The following HDGFL3 variants were observed in gnomAD, a reference collection of about 807,000 sequenced individuals.
The protein encoded by HDGFL3 is HDGF like 3, also known as hepatoma-derived growth factor-related protein 3.
HDGFL3 carries 6 observed loss-of-function variants against 27.6 expected under a neutral mutation model. The observed-to-expected ratio is 0.22, with a 90% CI of 0.12 to 0.43. HDGFL3 has a LOEUF of 0.43. Ranked by LOEUF, HDGFL3 falls within the 20% of genes least tolerant of loss-of-function variation. The probability of loss-of-function intolerance (pLI) is 1.00; values close to 1 mark genes in which losing one functional copy is unlikely to be tolerated. For missense variants in HDGFL3, 207 were observed against 250.1 expected (o/e 0.83, Z 1.16); for synonymous variants, 88 against 88.9 (o/e 0.99, Z 0.05).
chr15:83,126,656 A>T, downstream of HDGFL3: 2 of 937,684 alleles, frequency 2.1e-6, no homozygotes, highest in Non-Finnish European at 3.3e-6. Flanking sequence ...GTTAAACAGC[A>T]AAGCAGCTTG....
At chr15:83,116,698 G>A (rs2151346959) in intron 3 of HDGFL3, among the ~76,000 whole-genome samples, 1 of 152,308 alleles carries the variant, frequency 6.6e-6, no homozygotes, top group East Asian at 1.9e-4. Context: ...GGCTTCCTCG[G>A]GACCAGCAGG....
chr15:83,147,540 C>T (rs2036913428), intron 5 of HDGFL3, among the ~76,000 whole-genome samples: 1 of 152,120 alleles, frequency 6.6e-6, no homozygotes, highest in Non-Finnish European at 1.5e-5. Flanking sequence ...AAAACTAAAA[C>T]TATTCAATTA....
intron 1 of HDGFL3, among the ~76,000 whole-genome samples, chr15:83,200,249 G>A (rs1337387051): frequency 6.6e-6 from 1 of 151,266 alleles, no homozygotes; most frequent in Non-Finnish European, 1.5e-5. Flanking sequence ...GGGAGGCTGA[G>A]GCAGGAACCC....
At chr15:83,205,299 T>C (rs2037703384) in intron 1 of HDGFL3, among the ~76,000 whole-genome samples, 1 of 152,244 alleles carries the variant, frequency 6.6e-6, no homozygotes, top group Non-Finnish European at 1.5e-5. Flanking sequence ...AATTGCAGCA[T>C]GCCACTAACG....
intron 1 of HDGFL3, among the ~76,000 whole-genome samples, chr15:83,199,470 C>T (rs369144912): frequency 1.3e-5 from 2 of 152,074 alleles, no homozygotes; most frequent in African/African-American, 2.4e-5. Context: ...ACTCTCATCT[C>T]GTATTTTGCA....
intron 1 of HDGFL3, among the ~76,000 whole-genome samples, chr15:83,190,602 ATGTCTTT>A (rs1003549105): frequency 9.9e-5 from 15 of 152,038 alleles, no homozygotes; most frequent in Non-Finnish European, 1.8e-4. Context: ...ATGGCTGTTC[ATGTCTTT>A]TGCCCATTTT....
At chr15:83,115,797 T>C (rs2034606214) in intron 3 of HDGFL3, 28 of 1,243,750 alleles carry the variant, frequency 2.3e-5, no homozygotes, top group Non-Finnish European at 3.2e-5. Flanking sequence ...CTTGTAGTAA[T>C]TGTCTCCTGA....
intron 1 of HDGFL3, among the ~76,000 whole-genome samples, chr15:83,182,248 T>G (rs2151416649): frequency 6.6e-6 from 1 of 152,080 alleles, no homozygotes; most frequent in South Asian, 2.1e-4. Context: ...TACTTTAAAT[T>G]TTAGTCATTT....
chr15:83,186,459 A>G lies in HDGFL3; in HGVS notation c.84+20872T>C, dbSNP rs543378447. Among the ~76,000 whole-genome samples, 15 of 152,336 alleles carry G rather than the reference A, an allele frequency of 9.8e-5. No homozygotes were observed. In the South Asian group the frequency reaches 3.1e-3, roughly 32 times the overall value. Reference sequence around the variant, plus strand: ...TTTATACTCAAACTACTGGTTAAAGATGGAAGGCTAAGACAGCAAAAGAAC... The same window carrying G: ...TTTATACTCAAACTACTGGTTAAAGGTGGAAGGCTAAGACAGCAAAAGAAC... On this transcript the variant is annotated intron_variant, in intron 1 of 5. Coordinates refer to ENST00000299633, the MANE Select transcript of HDGFL3 (RefSeq NM_016073.4).
At chr15:83,188,267 T>G (rs1196277844) in intron 1 of HDGFL3, among the ~76,000 whole-genome samples, 1 of 152,190 alleles carries the variant, frequency 6.6e-6, no homozygotes, top group Admixed American at 6.5e-5. Flanking sequence ...TTTATTTAAT[T>G]TTTTGAGACA....
chr15:83,183,623 T>C (rs11857168), intron 1 of HDGFL3, among the ~76,000 whole-genome samples: 1,628 of 152,242 alleles, frequency 0.011, 32 homozygotes, highest in African/African-American at 0.037. Context: ...TAGCTGACTG[T>C]GGTGGCACGC....
In HDGFL3 at chr15:83,130,581, G is replaced by A. The variant is rs1487826198; in HGVS notation, c.*8689C>T. On this transcript the variant is annotated 3_prime_UTR_variant, in exon 6 of 6. Transcript: ENST00000299633. ...AGCCCAGCAGGTGAAGACAGACTGAGTAAAGAATTATGGGTCTGATTCCCA... is the reference window on the plus strand; with the variant it reads ...AGCCCAGCAGGTGAAGACAGACTGAATAAAGAATTATGGGTCTGATTCCCA... 1 of 152,250 alleles carries A rather than the reference G, an allele frequency of 6.6e-6. No homozygotes were observed. Among genetic ancestry groups the A allele is most frequent in the Admixed American group, 6.5e-5 (1 of 15,284 alleles). 9.4% of individuals were successfully genotyped at this position (152,250 alleles called of 1,614,324 possible). A position where few individuals can be genotyped will look rare whatever the true frequency, so the allele number is the denominator to read the frequency against.
At chr15:83,124,896 T>C (rs994225994), downstream of HDGFL3, 1 of 852,280 alleles carries the variant, frequency 1.2e-6, no homozygotes, top group South Asian at 1.6e-5. Context: ...TAACAAACCA[T>C]TCCTCCCATC....
chr15:83,140,592 C>G (rs544056313), intron 5 of HDGFL3, among the ~76,000 whole-genome samples: 1 of 151,576 alleles, frequency 6.6e-6, no homozygotes, highest in Non-Finnish European at 1.5e-5. Context: ...AGTGATTCTC[C>G]TGCCTCAGCC....
intron 1 of HDGFL3, among the ~76,000 whole-genome samples, chr15:83,175,588 G>A (rs373120625): frequency 4.6e-5 from 7 of 152,184 alleles, no homozygotes; most frequent in Admixed American, 1.3e-4. Flanking sequence ...GGCTGGGCGC[G>A]GTGGCTCATG....
At chr15:83,126,712 A>G, downstream of HDGFL3, 3 of 1,513,448 alleles carry the variant, frequency 2.0e-6, no homozygotes, top group Non-Finnish European at 2.7e-6. Flanking sequence ...CCTAAGAACC[A>G]GATGTGATTG....
chr15:83,193,047 C>T (rs2037530852), intron 1 of HDGFL3, among the ~76,000 whole-genome samples: 1 of 152,150 alleles, frequency 6.6e-6, no homozygotes. Flanking sequence ...ATATGGACTT[C>T]CATAAAAACT....
chr15:83,207,444 G>C lies in HDGFL3; in HGVS notation c.-30C>G, dbSNP rs1407098818. ...GCCGCTCCCCTTCCTGGTAGTCCTT[G>C]GTCGCCGCGAAGATGCCGGGAGGCC... On this transcript the variant is annotated 5_prime_UTR_variant, in exon 1 of 6. Transcript: ENST00000299633. The surrounding 1 kb of genome is among the most constrained non-coding windows in gnomAD (Gnocchi z 4.8). 2.3e-6 allele frequency: 3 copies of C among 1,277,296 alleles called. No individual in the cohort carries two copies. Among genetic ancestry groups the C allele is most frequent in the Non-Finnish European group, 3.0e-6 (3 of 1,003,148 alleles). 79.1% of individuals were successfully genotyped at this position (1,277,296 alleles called of 1,614,324 possible).
intron 1 of HDGFL3, among the ~76,000 whole-genome samples, chr15:83,193,135 G>C (rs1390225066): frequency 6.6e-6 from 1 of 151,974 alleles, no homozygotes; most frequent in African/African-American, 2.4e-5. Flanking sequence ...AAAATCAAGA[G>C]TAAAAAAAAG....
Sources: gnomAD v4.1 joint callset for allele counts (sites outside exome capture counted in the v4.1 genomes callset) on GRCh38, gnomAD v4.1.1 for gene constraint, Gnocchi (gnomAD v3.1) non-coding constraint, MANE v1.5 for transcripts, NCBI Gene and HGNC (gene_info 2026-07-23, HGNC 2026-07-21) for gene names.